The following STIM1 variants were observed in gnomAD, a reference collection of about 807,000 sequenced individuals.
The protein encoded by STIM1 is stromal interaction molecule 1.
A neutral mutation model predicts 74.7 loss-of-function variants in STIM1; 25 were observed. That is an observed-to-expected ratio of 0.33 (90% CI 0.24 to 0.47). The LOEUF (loss-of-function observed/expected upper bound fraction) is 0.47, where lower values mean the gene tolerates loss of function less well. STIM1 is among the 20% of genes least tolerant of loss of function. The pLI is 1.00. For missense variants in STIM1, 728 were observed against 920.8 expected, an observed-to-expected ratio of 0.79 and a Z score of 2.71; for synonymous variants, 328 against 348.8, an observed-to-expected ratio of 0.94 and a Z score of 0.66.
At chr11:3,963,818 A>G (rs977759038) in intron 1 of STIM1, among the ~76,000 whole-genome samples, 1 of 152,182 alleles carries the variant, frequency 6.6e-6, no homozygotes, top group East Asian at 1.9e-4. Flanking sequence ...GAGTCTTGCA[A>G]AGAGCCACTT....
intron 1 of STIM1, among the ~76,000 whole-genome samples, chr11:3,861,562 G>C (rs1208439328): frequency 6.6e-6 from 1 of 152,124 alleles, no homozygotes; most frequent in Admixed American, 6.6e-5. Context: ...TAGAAGTAAT[G>C]ATGAGTGTAA....
intron 3 of STIM1, among the ~76,000 whole-genome samples, chr11:4,024,484 TC>T (rs2093983009): frequency 6.6e-6 from 1 of 152,250 alleles, no homozygotes; most frequent in South Asian, 2.1e-4. Context: ...TCTTCTTTTT[TC>T]CAGGTTAAGT....
In STIM1 at chr11:3,856,109, C is replaced by A; in HGVS notation, c.-162C>A. 1.2e-6 allele frequency: 1 copy of A among 864,086 alleles called. No individual in the cohort carries two copies. The highest frequency in any genetic ancestry group is 1.8e-6 in the Non-Finnish European group (1 of 542,402). The allele number at this position is 864,086 out of a possible 1,614,324, so 53.5% of individuals were successfully genotyped here. On this transcript the variant is annotated 5_prime_UTR_variant, in exon 1 of 13. Transcript: ENST00000526596. The stretch of plus-strand genomic sequence containing the variant: ...CCGCACCCAAACTTGGAGCACTTGA[C>A]CTTTGGCTGTTGGAGGGGGCAGGCT...
At chr11:3,863,340 C>T (rs1233596620) in intron 1 of STIM1, among the ~76,000 whole-genome samples, 3 of 151,122 alleles carry the variant, frequency 2.0e-5, no homozygotes, top group African/African-American at 2.4e-5. Context: ...ACTGTTGCCT[C>T]GACCTTCCTG....
At chr11:3,990,376 A>ATAC (rs1279354230) in intron 2 of STIM1, among the ~76,000 whole-genome samples, 4 of 152,176 alleles carry the variant, frequency 2.6e-5, no homozygotes, top group African/African-American at 9.7e-5. Context: ...TGCTATAGAC[A>ATAC]TGTATAAGTT....
At chr11:4,068,796 A>G (rs188453586) in intron 5 of STIM1, among the ~76,000 whole-genome samples, 44 of 152,280 alleles carry the variant, frequency 2.9e-4, no homozygotes, top group East Asian at 1.7e-3. Flanking sequence ...GTGAGGAGCT[A>G]TGATGGTAAC....
chr11:3,925,914 T>A (rs1295173333), intron 1 of STIM1, among the ~76,000 whole-genome samples: 1 of 152,164 alleles, frequency 6.6e-6, no homozygotes, highest in Admixed American at 6.6e-5. Flanking sequence ...TAATAATAAA[T>A]TTAAATCCAT....
At chr11:3,872,349 G>A (rs558524960) in intron 1 of STIM1, among the ~76,000 whole-genome samples, 2 of 152,030 alleles carry the variant, frequency 1.3e-5, no homozygotes, top group African/African-American at 4.8e-5. Context: ...CACTGCACCC[G>A]GCCTTGTTTT....
chr11:4,065,512 A>G (rs1272694363), intron 5 of STIM1, among the ~76,000 whole-genome samples: 1 of 140,430 alleles, frequency 7.1e-6, no homozygotes, highest in East Asian at 2.0e-4. Context: ...TCTGCCTTTT[A>G]TCCTTTAAAC....
intron 1 of STIM1, among the ~76,000 whole-genome samples, chr11:3,916,547 G>A (rs973316485): frequency 1.3e-5 from 2 of 151,692 alleles, no homozygotes; most frequent in African/African-American, 2.4e-5. Context: ...TGCCTCCTGG[G>A]TTCAAGTGAT....
intron 1 of STIM1, among the ~76,000 whole-genome samples, chr11:3,900,543 G>A (rs775736328): frequency 4.6e-5 from 7 of 152,224 alleles, no homozygotes; most frequent in Non-Finnish European, 1.0e-4. Context: ...GCTGGGAGCT[G>A]TAGGCCAGAG....
At chr11:3,905,920 G>A (rs944725065) in intron 1 of STIM1, among the ~76,000 whole-genome samples, 1 of 152,216 alleles carries the variant, frequency 6.6e-6, no homozygotes, top group African/African-American at 2.4e-5. Flanking sequence ...CTAGCCTGGA[G>A]GGAACATGAC....
chr11:4,017,646 T>G (rs1228857130), intron 2 of STIM1, among the ~76,000 whole-genome samples: 1 of 152,208 alleles, frequency 6.6e-6, no homozygotes, highest in Non-Finnish European at 1.5e-5. Context: ...GTGGTAACTG[T>G]CTTTCTAGTC....
At chr11:3,964,140 T>C (rs2093317521) in intron 1 of STIM1, among the ~76,000 whole-genome samples, 2 of 152,218 alleles carry the variant, frequency 1.3e-5, no homozygotes, top group African/African-American at 4.8e-5. Context: ...TGGTTTGTAA[T>C]TGGTGAAGAT....
At chr11:3,880,220 A>G (rs2091451620) in intron 1 of STIM1, among the ~76,000 whole-genome samples, 1 of 152,202 alleles carries the variant, frequency 6.6e-6, no homozygotes, top group South Asian at 2.1e-4. Flanking sequence ...CTGTGAAAAC[A>G]GTATTTGTTG....
intron 2 of STIM1, among the ~76,000 whole-genome samples, chr11:4,010,453 G>A (rs2093824750): frequency 6.6e-6 from 1 of 152,160 alleles, no homozygotes; most frequent in Non-Finnish European, 1.5e-5. Context: ...TTACAGGCAT[G>A]AGCCACTGCG....
At chr11:3,986,742 G>C (rs1336307694) in intron 2 of STIM1, among the ~76,000 whole-genome samples, 1 of 152,178 alleles carries the variant, frequency 6.6e-6, no homozygotes, top group African/African-American at 2.4e-5. Context: ...GAAGTATCTA[G>C]AGAATAGTTA....
At chr11:3,923,899 G>C (rs185911049) in intron 1 of STIM1, among the ~76,000 whole-genome samples, 3 of 152,272 alleles carry the variant, frequency 2.0e-5, no homozygotes, top group Admixed American at 1.3e-4. Context: ...TTGGGATTTT[G>C]ATTGGCTTTG....
intron 1 of STIM1, among the ~76,000 whole-genome samples, chr11:3,915,502 A>G (rs2092630433): frequency 6.7e-6 from 1 of 149,928 alleles, no homozygotes; most frequent in Non-Finnish European, 1.5e-5. Flanking sequence ...GGTTCACGCC[A>G]TTCTCCTGCC....
Sources: allele counts gnomAD v4.1 joint callset (sites outside exome capture counted in the v4.1 genomes callset), GRCh38; gene constraint gnomAD v4.1.1; transcripts MANE v1.5; gene names NCBI Gene and HGNC (gene_info 2026-07-23, HGNC 2026-07-21).